Variants in GTF2B observed in about 807,000 individuals in gnomAD.
GTF2B encodes the protein general transcription factor IIB, also known as transcription initiation factor IIB.
A neutral mutation model predicts 34.6 loss-of-function variants in GTF2B; 20 were observed. The observed-to-expected ratio is 0.58, with a 90% CI of 0.41 to 0.84. The LOEUF (loss-of-function observed/expected upper bound fraction) is 0.84, where lower values mean the gene tolerates loss of function less well. GTF2B is among the 40% of genes least tolerant of loss of function. The probability of loss-of-function intolerance (pLI) is 0.00; values close to 1 mark genes in which losing one functional copy is unlikely to be tolerated. For synonymous variants in GTF2B, 142 were observed against 132.4 expected (o/e 1.07, Z -0.50); for missense variants, 237 against 393.3 (o/e 0.60, Z 3.36).
At position 88,872,455 on chromosome 1, in the gene GTF2B, T is replaced by TAAAAAAAAA. The variant is rs34668666; in HGVS notation, c.125-8350_125-8342dup. On this transcript the variant is annotated intron_variant, in intron 2 of 6. Transcript: ENST00000370500. The stretch of plus-strand genomic sequence containing the variant: ...CAACAAGAGTGAAACTCCATCTCAA[T>TAAAAAAAAA]AAAAAAAAAAAAAAAAAAAAAAAAA... Among the ~76,000 whole-genome samples the TAAAAAAAAA allele has an allele frequency of 6.0e-4, 45 of 74,860 alleles. 1 individual carries two copies. Among genetic ancestry groups the TAAAAAAAAA allele is most frequent in the Non-Finnish European group, 9.0e-4 (36 of 39,896 alleles). The allele number at this position is 74,860 out of a possible 152,430, so 49.1% of individuals were successfully genotyped here.
At chr1:88,887,408 C>A (rs374591745) in intron 1 of GTF2B, 41 bp from the exon 2 acceptor site, 8 of 1,166,800 alleles carry the variant, frequency 6.9e-6, no homozygotes, top group South Asian at 1.2e-5. Flanking sequence ...TCCCAACCAA[C>A]ATGTATCAAA....
At chr1:88,855,364 T>TG (rs1553161978) in intron 6 of GTF2B, among the ~76,000 whole-genome samples, 2 of 150,512 alleles carry the variant, frequency 1.3e-5, no homozygotes, top group East Asian at 1.9e-4. Context: ...TTTTTGTTTT[T>TG]TTTTTTTTTT....
Position 88,864,119 on chromosome 1 carries a change from G to C in GTF2B, c.125-5C>G. 1.2e-6 allele frequency: 2 copies of C among 1,613,544 alleles called. No individual in the cohort carries two copies. Among genetic ancestry groups the C allele is most frequent in the Non-Finnish European group, 1.7e-6 (2 of 1,179,524 alleles). On this transcript the variant is annotated splice_region_variant and splice_polypyrimidine_tract_variant and intron_variant, in intron 2 of 6. Coordinates refer to ENST00000370500, the MANE Select transcript of GTF2B (RefSeq NM_001514.6). The stretch of plus-strand genomic sequence containing the variant: ...CCACATCAATAACCCGGTCACCTAA[G>C]AATATAAGCACATATCTGAATCATT...
intron 2 of GTF2B, among the ~76,000 whole-genome samples, chr1:88,883,545 C>T (rs1172721917): frequency 6.6e-6 from 1 of 151,410 alleles, no homozygotes; most frequent in Non-Finnish European, 1.5e-5. Flanking sequence ...GAGACCCTAT[C>T]TGTACCAAAA....
intron 2 of GTF2B, among the ~76,000 whole-genome samples, chr1:88,885,317 G>A (rs1038546153): frequency 6.6e-6 from 1 of 151,934 alleles, no homozygotes. Flanking sequence ...GTGGGCCCCT[G>A]TAATCCCAGC....
At chr1:88,884,553 T>A (rs1674021097) in intron 2 of GTF2B, among the ~76,000 whole-genome samples, 1 of 152,268 alleles carries the variant, frequency 6.6e-6, no homozygotes, top group Admixed American at 6.5e-5. Flanking sequence ...CAATCAAATA[T>A]GAATTAACCT....
chr1:88,857,968 C>T (rs1021297926), intron 5 of GTF2B, among the ~76,000 whole-genome samples: 5 of 151,654 alleles, frequency 3.3e-5, no homozygotes, highest in Admixed American at 3.3e-4. Flanking sequence ...AGGCATGAGC[C>T]ACTGCGCCTG....
chr1:88,864,659 C>G (rs1029560908), intron 2 of GTF2B, among the ~76,000 whole-genome samples: 5 of 152,172 alleles, frequency 3.3e-5, no homozygotes, highest in Admixed American at 3.3e-4. Flanking sequence ...GAGAAGAAAG[C>G]CTGGTAGGCA....
chr1:88,884,133 TTC>T (rs1674011785), intron 2 of GTF2B, among the ~76,000 whole-genome samples: 1 of 150,182 alleles, frequency 6.7e-6, no homozygotes, highest in African/African-American at 2.5e-5. Flanking sequence ...GTTCAAACAA[TTC>T]TCTGCCTCAG....
intron 2 of GTF2B, among the ~76,000 whole-genome samples, chr1:88,878,617 C>T (rs12402131): frequency 0.14 from 21,699 of 152,152 alleles, 3,939 homozygotes; most frequent in African/African-American, 0.43. Flanking sequence ...AATGTGACCT[C>T]GTCAGTATCA....
At chr1:88,885,436 A>G (rs1674044297) in intron 2 of GTF2B, among the ~76,000 whole-genome samples, 1 of 143,602 alleles carries the variant, frequency 7.0e-6, no homozygotes, top group Admixed American at 7.0e-5. Context: ...GGGCAACAAG[A>G]GCGAAACTCT....
chr1:88,890,760 T>G (rs1051507717), intron 1 of GTF2B, among the ~76,000 whole-genome samples: 8 of 152,190 alleles, frequency 5.3e-5, no homozygotes, highest in African/African-American at 1.9e-4. Context: ...CTGAGGGTAC[T>G]GCATGCATTT....
At chr1:88,888,633 T>C (rs1329300429) in intron 1 of GTF2B, among the ~76,000 whole-genome samples, 2 of 152,150 alleles carry the variant, frequency 1.3e-5, no homozygotes, top group African/African-American at 4.8e-5. Flanking sequence ...ATCTCTGCAG[T>C]ATTAAAAAGT....
intron 2 of GTF2B, among the ~76,000 whole-genome samples, chr1:88,876,228 A>G (rs1393598627): frequency 2.6e-5 from 4 of 152,240 alleles, no homozygotes; most frequent in African/African-American, 9.6e-5. Context: ...ATGCTAACTG[A>G]AAGAGGGTAA....
chr1:88,882,049 C>T (rs1277225468), intron 2 of GTF2B, among the ~76,000 whole-genome samples: 2 of 152,042 alleles, frequency 1.3e-5, no homozygotes, highest in East Asian at 1.9e-4. Context: ...ATAGCTCACG[C>T]CTGTAAACTC....
At chr1:88,863,078 T>C (rs769854020) in intron 3 of GTF2B, among the ~76,000 whole-genome samples, 1 of 151,762 alleles carries the variant, frequency 6.6e-6, no homozygotes, top group African/African-American at 2.4e-5. Context: ...GATAACAGAG[T>C]GAGAATCAGG....
At chr1:88,861,716 C>T (rs1421766245) in intron 3 of GTF2B, among the ~76,000 whole-genome samples, 1 of 151,974 alleles carries the variant, frequency 6.6e-6, no homozygotes, top group East Asian at 1.9e-4. Flanking sequence ...CCTGTGGTCT[C>T]AGCTACTCAG....
intron 3 of GTF2B, 114 bp downstream of exon 3, chr1:88,863,867 T>C (rs1673493900): frequency 1.2e-6 from 1 of 841,212 alleles, no homozygotes; most frequent in East Asian, 2.4e-5. Context: ...CAAATCTTAT[T>C]AGACAGGTCA....
intron 2 of GTF2B, among the ~76,000 whole-genome samples, chr1:88,870,894 GTCTTT>G (rs1673676397): frequency 7.0e-6 from 1 of 141,910 alleles, no homozygotes; most frequent in Admixed American, 6.9e-5. Context: ...TTCTTACACA[GTCTTT>G]TTTTTTTTTT....
Sources: gnomAD v4.1 joint callset for allele counts (sites outside exome capture counted in the v4.1 genomes callset) on GRCh38, gnomAD v4.1.1 for gene constraint, MANE v1.5 for transcripts, NCBI Gene and HGNC (gene_info 2026-07-23, HGNC 2026-07-21) for gene names.